Variants in MS4A3 observed in about 807,000 individuals in gnomAD.
MS4A3 encodes membrane spanning 4-domains A3, also known as membrane-spanning 4-domains subfamily A member 3.
Under a neutral mutation model 24.7 loss-of-function variants are expected in MS4A3, and 18 were observed. That is an observed-to-expected ratio of 0.73 (90% CI 0.50 to 1.08). MS4A3 has a LOEUF of 1.08. Ranked by LOEUF, MS4A3 falls within the 50% of genes least tolerant of loss-of-function variation. MS4A3 has a pLI of 0.00. For synonymous variants in MS4A3, 84 were observed against 95.3 expected (o/e 0.88, Z 0.69); for missense variants, 282 against 251.7 (o/e 1.12, Z -0.82).
chr11:60,067,159 C>T (rs937730614), intron 5 of MS4A3, 47 bp downstream of exon 5: 1 of 1,411,478 alleles, frequency 7.1e-7, no homozygotes, highest in African/African-American at 1.5e-5. Flanking sequence ...TTCAAACAAT[C>T]CAGGATGTAC....
At chr11:60,062,209 T>C (rs1855286924) in intron 2 of MS4A3, among the ~76,000 whole-genome samples, 1 of 152,124 alleles carries the variant, frequency 6.6e-6, no homozygotes, top group Non-Finnish European at 1.5e-5. Flanking sequence ...TTTACTGTCC[T>C]GCCACTTTCT....
In MS4A3 at chr11:60,058,623, G is replaced by T. The variant is rs1855214506; in HGVS notation, c.-16+1883G>T. ...TTCAGGAATGGGGGATAGCACAGAG[G>T]ATTGAAGACATTTGAGGGTTTAGAA... On this transcript the variant is annotated intron_variant, in intron 1 of 6. Transcript: ENST00000278865. Among the ~76,000 whole-genome samples the T allele has an allele frequency of 2.0e-5, 3 of 150,682 alleles. No homozygotes were observed. In the South Asian group the frequency reaches 6.3e-4, roughly 32 times the overall value.
intron 1 of MS4A3, among the ~76,000 whole-genome samples, chr11:60,059,638 G>T (rs551230137): frequency 2.6e-5 from 4 of 152,124 alleles, no homozygotes; most frequent in Admixed American, 2.0e-4. Context: ...GTGGTATTTG[G>T]TTTTCTGTTC....
chr11:60,062,392 G>A (rs986000532), intron 2 of MS4A3, 76 bp from the exon 3 acceptor site: 1 of 1,562,364 alleles, frequency 6.4e-7, no homozygotes, highest in African/African-American at 1.4e-5. Flanking sequence ...CCTTTCTGAG[G>A]AAAATTAAAA....
intron 5 of MS4A3, among the ~76,000 whole-genome samples, chr11:60,068,393 C>T (rs930124698): frequency 6.7e-5 from 10 of 150,064 alleles, no homozygotes; most frequent in African/African-American, 2.0e-4. Context: ...GCGCCCGCCA[C>T]CACGCCCGGC....
intron 1 of MS4A3, among the ~76,000 whole-genome samples, chr11:60,059,013 C>A (rs890470694): frequency 1.3e-5 from 2 of 152,110 alleles, no homozygotes; most frequent in African/African-American, 4.8e-5. Context: ...TTTATCCATA[C>A]TTAAATACAT....
At chr11:60,057,254 G>A (rs1427982681) in intron 1 of MS4A3, among the ~76,000 whole-genome samples, 3 of 152,194 alleles carry the variant, frequency 2.0e-5, no homozygotes, top group Non-Finnish European at 4.4e-5. Flanking sequence ...GATCATAGCA[G>A]TAGTACCCAT....
chr11:60,067,205 T>G, intron 5 of MS4A3, 93 bp downstream of exon 5: 1 of 1,022,366 alleles, frequency 9.8e-7, no homozygotes, highest in South Asian at 1.6e-5. Flanking sequence ...TGTGCCATAA[T>G]TTGAATCTTT....
intron 1 of MS4A3, among the ~76,000 whole-genome samples, chr11:60,058,872 T>C (rs1230159387): frequency 6.6e-6 from 1 of 152,208 alleles, no homozygotes; most frequent in African/African-American, 2.4e-5. Flanking sequence ...TTCTTATTTA[T>C]ACTTTTTGCA....
chr11:60,065,291 G>T (rs1175251086), intron 4 of MS4A3, among the ~76,000 whole-genome samples: 1 of 148,522 alleles, frequency 6.7e-6, no homozygotes, highest in African/African-American at 2.5e-5. Flanking sequence ...GGCTCAAGCA[G>T]TCCTCCTGCC....
intron 5 of MS4A3, among the ~76,000 whole-genome samples, chr11:60,068,401 G>A (rs1445761178): frequency 3.3e-5 from 5 of 149,414 alleles, no homozygotes; most frequent in Non-Finnish European, 5.9e-5. Context: ...CACCACGCCC[G>A]GCTAATTGTT....
chr11:60,069,682 T>C lies in MS4A3; in HGVS notation c.615+7T>C. 1 of 1,595,916 alleles carries C rather than the reference T, an allele frequency of 6.3e-7. No homozygotes were observed. The highest frequency in any genetic ancestry group is 1.7e-5 in the Admixed American group (1 of 59,980). Reference sequence around the variant, plus strand: ...CTGCTGTAATTCAAGAGAGGTGAGATTTTTCAAATGATTAATCATTCACAT... The same window carrying C: ...CTGCTGTAATTCAAGAGAGGTGAGACTTTTCAAATGATTAATCATTCACAT... On this transcript the variant is annotated splice_region_variant and intron_variant, in intron 6 of 6. Transcript: ENST00000278865.
chr11:60,057,600 T>G (rs556619733), intron 1 of MS4A3, among the ~76,000 whole-genome samples: 5 of 152,246 alleles, frequency 3.3e-5, no homozygotes, highest in African/African-American at 1.2e-4. Context: ...GAAACAGGGT[T>G]TCACCATGTT....
intron 1 of MS4A3, among the ~76,000 whole-genome samples, chr11:60,057,467 C>T (rs11821248): frequency 4.2e-4 from 64 of 152,188 alleles, no homozygotes; most frequent in African/African-American, 1.5e-3. Flanking sequence ...TGCAATGGCA[C>T]GATTTCGGCT....
chr11:60,061,493 A>G (rs1433683438), intron 2 of MS4A3, 177 bp downstream of exon 2: 1 of 739,610 alleles, frequency 1.4e-6, no homozygotes, highest in South Asian at 1.5e-5. Context: ...TCCTCAGTCT[A>G]TTCAACGTGA....
chr11:60,058,506 CAAAAAAAAAAAAAAAA>C (rs58722616), intron 1 of MS4A3, among the ~76,000 whole-genome samples: 16 of 17,890 alleles, frequency 8.9e-4, no homozygotes, highest in East Asian at 9.0e-3. Context: ...AGCTCCAACT[CAAAAAAAAAAAAAAAA>C]AAAAAAAAAA....
At position 60,066,975 on chromosome 11, in the gene MS4A3, A is replaced by G. The variant is rs1254341859; in HGVS notation, c.376A>G (p.Ile126Val). The G allele has an allele frequency of 6.2e-7, 1 of 1,607,144 alleles. No homozygotes were observed. Among genetic ancestry groups the G allele is most frequent in the Non-Finnish European group, 8.5e-7 (1 of 1,178,590 alleles). The change falls in exon 5 of 7, where the codon ATT (isoleucine) becomes GTT (valine). Residue 126 changes from isoleucine to valine, a missense_variant. By Grantham distance (29) the Ile-to-Val change is conservative. Transcript: ENST00000278865. ...GATACAGAACAGTTTTGGAATGAAC[A>G]TTGCCAGTGCTACAATTGCACTAGT... Reference protein sequence around the residue: ...TWIQNSFGMNIASATIALVGT... With the variant: ...TWIQNSFGMNVASATIALVGT...
chr11:60,063,072 G>T lies in MS4A3; in HGVS notation c.294+467G>T, dbSNP rs1855303765. Among the ~76,000 whole-genome samples the T allele has an allele frequency of 2.0e-5, 3 of 152,134 alleles. No homozygotes were observed. In the South Asian group the frequency reaches 6.2e-4, roughly 32 times the overall value. On this transcript the variant is annotated intron_variant, in intron 3 of 6. Transcript: ENST00000278865. ...CTTGGCCTCCCAAAATGCTGGAATTGCCAGGCATGAGCCCTGATGCCAGGC... is the reference window on the plus strand; with the variant it reads ...CTTGGCCTCCCAAAATGCTGGAATTTCCAGGCATGAGCCCTGATGCCAGGC...
rs774427478 is a variant in MS4A3, at chr11:60,069,655, A to G, written c.595A>G (p.Asn199Asp). The change falls in exon 6 of 7, where the codon AAC becomes GAC. Residue 199 changes from asparagine (N) to aspartate (D), a missense_variant. Asn to Asp is a conservative substitution (Grantham distance 23). Transcript: ENST00000278865. Reference sequence around the variant, plus strand: ...TACCATAGCCATGTGGTGCAATGCAAACTGCTGTAATTCAAGAGAGGTGAG... The same window carrying G: ...TACCATAGCCATGTGGTGCAATGCAGACTGCTGTAATTCAAGAGAGGTGAG... ...ISTIAMWCNA[N>D]CCNSREEISS... 17 of 1,612,582 alleles carry G rather than the reference A, an allele frequency of 1.1e-5. No individual in the cohort carries two copies. The highest frequency in any genetic ancestry group is 1.7e-5 in the Admixed American group (1 of 60,012).
Sources: gnomAD v4.1 joint callset for allele counts (sites outside exome capture counted in the v4.1 genomes callset) on GRCh38, gnomAD v4.1.1 for gene constraint, MANE v1.5 for transcripts, NCBI Gene and HGNC (gene_info 2026-07-23, HGNC 2026-07-21) for gene names.